Variants in PRDM2 observed in about 807,000 individuals in gnomAD.
The protein encoded by PRDM2 is PR/SET domain 2, also known as PR domain zinc finger protein 2.
PRDM2 carries 30 observed loss-of-function variants against 130.0 expected under a neutral mutation model. The ratio of observed to expected loss-of-function variants is 0.23; its 90% CI spans 0.17 to 0.31. The LOEUF (loss-of-function observed/expected upper bound fraction) is 0.31. Among genes scored for constraint, PRDM2 ranks in the 10% least tolerant of loss-of-function variants. The pLI, the probability that PRDM2 is intolerant of heterozygous loss-of-function variation, is 1.00. For missense variants in PRDM2, 2,011 were observed against 2,108.4 expected (o/e 0.95, Z 0.90); for synonymous variants, 871 against 782.4 (o/e 1.11, Z -1.89).
intron 7 of PRDM2, among the ~76,000 whole-genome samples, chr1:13,776,277 T>C (rs539289703): frequency 3.3e-5 from 5 of 152,246 alleles, no homozygotes; most frequent in South Asian, 4.2e-4. Flanking sequence ...TTGCAAGTGA[T>C]TGGGGGAACA....
intron 6 of PRDM2, among the ~76,000 whole-genome samples, chr1:13,761,907 TTATA>T (rs1644106724): frequency 6.6e-6 from 1 of 152,226 alleles, no homozygotes; most frequent in South Asian, 2.1e-4. Flanking sequence ...TTGTACATTT[TTATA>T]ATAATATCTG....
chr1:13,786,656 T>G (rs1644747519), intron 8 of PRDM2: 10 of 1,543,536 alleles, frequency 6.5e-6, no homozygotes, highest in Middle Eastern at 1.7e-4. Flanking sequence ...GACTCAAAAA[T>G]CCTAACATTC....
intron 8 of PRDM2, among the ~76,000 whole-genome samples, chr1:13,800,385 G>T (rs75492569): frequency 2.0e-5 from 3 of 152,210 alleles, no homozygotes; most frequent in African/African-American, 7.2e-5. Flanking sequence ...GGGGCATCCC[G>T]CCTTACAAAG....
chr1:13,821,864 C>G (rs999266640), intron 9 of PRDM2, among the ~76,000 whole-genome samples: 1 of 152,178 alleles, frequency 6.6e-6, no homozygotes, highest in Non-Finnish European at 1.5e-5. Flanking sequence ...AACAGCCATC[C>G]CCTCCCGACT....
intron 6 of PRDM2, among the ~76,000 whole-genome samples, chr1:13,757,355 T>G (rs2100569766): frequency 6.6e-6 from 1 of 152,388 alleles, no homozygotes; most frequent in East Asian, 1.9e-4. Flanking sequence ...TTTTATATTA[T>G]TTTGGCATTA....
At chr1:13,769,225 C>T in intron 6 of PRDM2, 4 of 899,036 alleles carry the variant, frequency 4.4e-6, no homozygotes, top group Non-Finnish European at 5.3e-6. Context: ...TGCTCCTCTG[C>T]CTCACAGAGA....
intron 1 of PRDM2, among the ~76,000 whole-genome samples, chr1:13,702,437 C>G (rs1416496567): frequency 6.6e-5 from 10 of 152,114 alleles, no homozygotes; most frequent in Non-Finnish European, 1.2e-4. Flanking sequence ...TTTTAAAGTT[C>G]TGTAATCTTT....
rs573470942 is a variant in PRDM2, at chr1:13,796,454, A to G, written c.5036+13623A>G. Among the ~76,000 whole-genome samples, 5 of 152,276 alleles carry G rather than the reference A, an allele frequency of 3.3e-5. No homozygotes were observed. In the East Asian group the frequency reaches 7.7e-4, roughly 24 times the overall value. ...ATGGATTTGTGGACATGGTTTGCTC[A>G]CTCATTAACAGTAGGTCTTGACCAG... On this transcript the variant is annotated intron_variant, in intron 8 of 9. Coordinates refer to ENST00000311066, the MANE Select transcript of PRDM2 (RefSeq NM_001393986.1).
chr1:13,708,085 G>A (rs1333385521), intron 1 of PRDM2, among the ~76,000 whole-genome samples: 1 of 151,986 alleles, frequency 6.6e-6, no homozygotes, highest in African/African-American at 2.4e-5. Flanking sequence ...CAATAATAAA[G>A]AATAAATAAT....
intron 2 of PRDM2, chr1:13,722,981 C>A: frequency 2.6e-6 from 1 of 391,616 alleles, no homozygotes; most frequent in East Asian, 7.7e-5. Flanking sequence ...GTCATCCCAC[C>A]GCTCTCTGAA....
chr1:13,744,359 T>C (rs1557613781), intron 5 of PRDM2, among the ~76,000 whole-genome samples: 1 of 152,224 alleles, frequency 6.6e-6, no homozygotes, highest in Non-Finnish European at 1.5e-5. Context: ...CAGGTAATTA[T>C]GGTATTGACC....
rs1046331 is a variant in PRDM2, at chr1:13,816,508, A to G, written c.5118A>G (p.Pro1706=). The G allele has an allele frequency of 0.84, 1,358,404 of 1,613,900 alleles. 573,459 individuals are homozygous for G. The highest frequency in any genetic ancestry group is 0.93 in the African/African-American group (69,998 of 75,008). The change falls in exon 9 of 10, where the codon CCA becomes CCG. Residue 1706 remains proline, a synonymous_variant. Coordinates refer to ENST00000311066, the MANE Select transcript of PRDM2 (RefSeq NM_001393986.1). ...GGCAGTATAGGAAGGTCAAAGCTCC[A>G]GCTGCAGCCCAGTTCCAGGGACCAT... ...ITRQYRKVKA[P]AAAQFQGPFF... is the part of the protein sequence containing the mutation.
intron 6 of PRDM2, among the ~76,000 whole-genome samples, chr1:13,753,864 C>T (rs1274890520): frequency 6.6e-6 from 1 of 152,176 alleles, no homozygotes; most frequent in Non-Finnish European, 1.5e-5. Context: ...TGTTACTTAA[C>T]AAGTATTCCT....
chr1:13,821,080 G>A (rs777281398), intron 9 of PRDM2, among the ~76,000 whole-genome samples: 28 of 151,972 alleles, frequency 1.8e-4, no homozygotes, highest in Non-Finnish European at 3.2e-4. Context: ...CATGCGTAGT[G>A]GTTAGGTGCA....
At chr1:13,715,776 C>T (rs1181408208) in intron 2 of PRDM2, among the ~76,000 whole-genome samples, 162 bp downstream of exon 2, 1 of 152,244 alleles carries the variant, frequency 6.6e-6, no homozygotes, top group African/African-American at 2.4e-5. Flanking sequence ...TGCATTTGTT[C>T]GTGCAGTGGA....
chr1:13,720,858 TTTGACTTTA>T (rs1480786433), intron 2 of PRDM2, among the ~76,000 whole-genome samples: 3 of 152,222 alleles, frequency 2.0e-5, no homozygotes, highest in Non-Finnish European at 4.4e-5. Flanking sequence ...TGTTTAGTTA[TTTGACTTTA>T]AAAATCAACT....
intron 1 of PRDM2, 51 bp from the exon 2 acceptor site, chr1:13,715,490 C>A (rs1000473027): frequency 2.3e-6 from 2 of 862,238 alleles, no homozygotes; most frequent in South Asian, 2.3e-5. Context: ...TTTTAAATCC[C>A]TGTAAATTTG....
intron 6 of PRDM2, among the ~76,000 whole-genome samples, chr1:13,754,155 A>G (rs1643895927): frequency 6.6e-6 from 1 of 152,150 alleles, no homozygotes; most frequent in Non-Finnish European, 1.5e-5. Context: ...ACCTAGTTCT[A>G]TTAGCAGTTC....
intron 8 of PRDM2, among the ~76,000 whole-genome samples, chr1:13,802,074 G>A (rs1645016266): frequency 6.6e-6 from 1 of 152,204 alleles, no homozygotes; most frequent in Non-Finnish European, 1.5e-5. Context: ...GGACTTTGGG[G>A]ATCACGAGCA....
Sources: gnomAD v4.1 joint callset for allele counts (sites outside exome capture counted in the v4.1 genomes callset) on GRCh38, gnomAD v4.1.1 for gene constraint, MANE v1.5 for transcripts, NCBI Gene and HGNC (gene_info 2026-07-23, HGNC 2026-07-21) for gene names.